Variants in ZFAND3 observed in about 807,000 individuals in gnomAD.
The protein encoded by ZFAND3 is zinc finger AN1-type containing 3, also known as AN1-type zinc finger protein 3.
In ZFAND3, 10 loss-of-function variants were observed where a neutral mutation model predicts 29.6. The observed-to-expected ratio is 0.34, with a 90% confidence interval of 0.21 to 0.57. The LOEUF is 0.57. Among genes scored for constraint, ZFAND3 ranks in the 20% least tolerant of loss-of-function variants. The probability of loss-of-function intolerance (pLI) is 0.86; values close to 1 mark genes in which losing one functional copy is unlikely to be tolerated. For missense variants in ZFAND3, 230 were observed against 304.5 expected, an observed-to-expected ratio of 0.76 and a Z score of 1.82; for synonymous variants, 128 against 112.6, an observed-to-expected ratio of 1.14 and a Z score of -0.87.
chr6:38,057,404 A>G (rs1382515309), intron 2 of ZFAND3, among the ~76,000 whole-genome samples: 1 of 152,222 alleles, frequency 6.6e-6, no homozygotes, highest in Non-Finnish European at 1.5e-5. Context: ...TGTGATGCAA[A>G]TATCAGGGCC....
At chr6:37,841,328 G>A (rs9470717) in intron 1 of ZFAND3, among the ~76,000 whole-genome samples, 4,525 of 152,086 alleles carry the variant, frequency 0.03, 175 homozygotes, top group African/African-American at 0.086. Flanking sequence ...CCTAGATTCT[G>A]TAATATTTTG....
intron 1 of ZFAND3, among the ~76,000 whole-genome samples, chr6:37,881,954 A>G (rs915063700): frequency 7.2e-5 from 11 of 152,224 alleles, no homozygotes; most frequent in Admixed American, 2.6e-4. Context: ...TCAGTGGTGC[A>G]GAGCTCAGCA....
chr6:38,075,560 A>T (rs897320140), intron 3 of ZFAND3, among the ~76,000 whole-genome samples: 12 of 152,230 alleles, frequency 7.9e-5, no homozygotes, highest in African/African-American at 2.7e-4. Context: ...CTCCTGGTGA[A>T]GATACTGTGA....
chr6:38,124,278 G>A (rs976824730), intron 5 of ZFAND3, among the ~76,000 whole-genome samples: 3 of 152,238 alleles, frequency 2.0e-5, no homozygotes, highest in African/African-American at 7.2e-5. Flanking sequence ...AGTGGATACC[G>A]CACTGGAGCC....
intron 4 of ZFAND3, among the ~76,000 whole-genome samples, chr6:38,105,675 A>G (rs753800601): frequency 3.3e-5 from 5 of 152,190 alleles, no homozygotes; most frequent in Non-Finnish European, 7.4e-5. Context: ...ATGTTGTACT[A>G]GAGTTCTGTG....
chr6:38,069,430 C>T (rs193084376), intron 3 of ZFAND3, among the ~76,000 whole-genome samples: 4 of 152,148 alleles, frequency 2.6e-5, no homozygotes, highest in East Asian at 3.9e-4. Context: ...GGAGTTTTTC[C>T]GATATATAAT....
intron 4 of ZFAND3, among the ~76,000 whole-genome samples, chr6:38,105,382 G>T (rs1459088113): frequency 6.6e-6 from 1 of 152,000 alleles, no homozygotes; most frequent in African/African-American, 2.4e-5. Flanking sequence ...TCCAGCTCGG[G>T]TAACAGAGCA....
chr6:37,905,789 G>T (rs987485760), intron 1 of ZFAND3, among the ~76,000 whole-genome samples: 1 of 151,908 alleles, frequency 6.6e-6, no homozygotes, highest in Non-Finnish European at 1.5e-5. Flanking sequence ...AGCATAAGAT[G>T]GGAATGATAA....
intron 1 of ZFAND3, among the ~76,000 whole-genome samples, chr6:37,839,508 G>T (rs1454783981): frequency 5.2e-5 from 7 of 134,624 alleles, no homozygotes; most frequent in African/African-American, 9.2e-5. Flanking sequence ...TTTATTTTTT[G>T]TTGTTGTTGT....
At chr6:37,825,117 G>A (rs191692401) in intron 1 of ZFAND3, among the ~76,000 whole-genome samples, 1 of 147,820 alleles carries the variant, frequency 6.8e-6, no homozygotes. Flanking sequence ...TAGCTAGTGT[G>A]CTTGGCTCCT....
At chr6:37,971,399 T>C (rs72850855) in intron 2 of ZFAND3, among the ~76,000 whole-genome samples, 9,907 of 152,228 alleles carry the variant, frequency 0.065, 388 homozygotes, top group Non-Finnish European at 0.093. Context: ...TTGATTTGAC[T>C]GCCTTCTGAA....
At chr6:37,845,282 AT>A (rs913777096) in intron 1 of ZFAND3, among the ~76,000 whole-genome samples, 7 of 152,106 alleles carry the variant, frequency 4.6e-5, no homozygotes, top group African/African-American at 1.7e-4. Flanking sequence ...GACAGCAGTC[AT>A]TTTTAGGTGT....
chr6:37,969,360 G>A (rs974493866), intron 2 of ZFAND3, among the ~76,000 whole-genome samples: 4 of 152,156 alleles, frequency 2.6e-5, no homozygotes, highest in African/African-American at 9.7e-5. Context: ...TGAAAATGCC[G>A]TAAGTCAAAA....
chr6:38,078,790 C>G (rs997881959), intron 3 of ZFAND3, among the ~76,000 whole-genome samples: 2 of 152,108 alleles, frequency 1.3e-5, no homozygotes, highest in Non-Finnish European at 2.9e-5. Flanking sequence ...TCACCTTTTT[C>G]TTTAGTTACT....
chr6:38,049,011 AT>A (rs888397978), intron 2 of ZFAND3, among the ~76,000 whole-genome samples: 2 of 151,978 alleles, frequency 1.3e-5, no homozygotes, highest in East Asian at 1.9e-4. Flanking sequence ...GGAGGTTTTT[AT>A]TTTTTTTACA....
intron 2 of ZFAND3, among the ~76,000 whole-genome samples, chr6:37,957,214 T>C (rs997247035): frequency 2.6e-5 from 4 of 152,218 alleles, no homozygotes; most frequent in African/African-American, 7.2e-5. Context: ...ACGCAAATTA[T>C]CTTTTTCTAG....
chr6:37,961,841 C>G (rs965614016), intron 2 of ZFAND3, among the ~76,000 whole-genome samples: 3 of 152,182 alleles, frequency 2.0e-5, no homozygotes, highest in African/African-American at 4.8e-5. Flanking sequence ...GCTTAGATCA[C>G]AACACCTAAG....
At chr6:38,088,999 G>T (rs766649618) in intron 4 of ZFAND3, among the ~76,000 whole-genome samples, 1 of 141,902 alleles carries the variant, frequency 7.0e-6, no homozygotes, top group Non-Finnish European at 1.5e-5. Flanking sequence ...CCCTATTTTC[G>T]GTCACCTGTT....
intron 2 of ZFAND3, among the ~76,000 whole-genome samples, chr6:37,938,503 CTCTT>C (rs1434033484): frequency 2.0e-5 from 3 of 152,138 alleles, no homozygotes; most frequent in Non-Finnish European, 2.9e-5. Flanking sequence ...TTTTCTCTCT[CTCTT>C]TTTTTCAGCA....
Sources: allele counts gnomAD v4.1 joint callset (sites outside exome capture counted in the v4.1 genomes callset), GRCh38; gene constraint gnomAD v4.1.1; transcripts MANE v1.5; gene names NCBI Gene and HGNC (gene_info 2026-07-23, HGNC 2026-07-21).